The following MYEF2 variants were observed in gnomAD, a reference collection of about 807,000 sequenced individuals.
MYEF2 encodes the protein myelin expression factor 2, also known as myelin gene expression factor 2.
In MYEF2, 37 loss-of-function variants were observed where a neutral mutation model predicts 75.2. That is an observed-to-expected ratio of 0.49 (90% CI 0.38 to 0.65). The LOEUF (loss-of-function observed/expected upper bound fraction) is 0.65, where lower values mean the gene tolerates loss of function less well. Among genes scored for constraint, MYEF2 ranks in the 30% least tolerant of loss-of-function variants. MYEF2 has a pLI of 0.00. For synonymous variants in MYEF2, 195 were observed against 241.6 expected (o/e 0.81, Z 1.79); for missense variants, 634 against 771.4 (o/e 0.82, Z 2.11).
At chr15:48,161,035 C>G (rs1417897815) in intron 5 of MYEF2, among the ~76,000 whole-genome samples, 2 of 151,970 alleles carry the variant, frequency 1.3e-5, no homozygotes, top group Non-Finnish European at 2.9e-5. Flanking sequence ...ATTTCTTCAA[C>G]TAGTATAGTA....
At position 48,139,659 on chromosome 15, in the gene MYEF2, T is replaced by A. The variant is rs1469680065; in HGVS notation, c.*3249A>T. On this transcript the variant is annotated 3_prime_UTR_variant, in exon 17 of 17. Coordinates refer to ENST00000324324, the MANE Select transcript of MYEF2 (RefSeq NM_016132.5). The stretch of plus-strand genomic sequence containing the variant: ...CAATACAAACATATTATGAAATGAG[T>A]GAAAAGGGCATAATAATTTTATTCT... The A allele has an allele frequency of 3.3e-5, 5 of 152,592 alleles. No homozygotes were observed. Among genetic ancestry groups the A allele is most frequent in the Non-Finnish European group, 7.3e-5 (5 of 68,372 alleles). The allele number at this position is 152,592 out of a possible 1,614,324, so 9.5% of individuals were successfully genotyped here. A position where few individuals can be genotyped will look rare whatever the true frequency, so the allele number is the denominator to read the frequency against.
At chr15:48,167,260 G>C in intron 3 of MYEF2, 89 bp downstream of exon 3, 1 of 1,345,390 alleles carries the variant, frequency 7.4e-7, no homozygotes, top group Non-Finnish European at 1.1e-6. Flanking sequence ...TGAAACTTAA[G>C]TTTCCAAAAA....
At chr15:48,176,676 G>A (rs1216819764) in intron 1 of MYEF2, among the ~76,000 whole-genome samples, 1 of 152,178 alleles carries the variant, frequency 6.6e-6, no homozygotes, top group Non-Finnish European at 1.5e-5. Flanking sequence ...ATGTATACTC[G>A]TGTTTAGATA....
At chr15:48,150,703 T>C (rs1215283817) in intron 14 of MYEF2, among the ~76,000 whole-genome samples, 1 of 151,980 alleles carries the variant, frequency 6.6e-6, no homozygotes, top group African/African-American at 2.4e-5. Context: ...TATCTGCATT[T>C]ACCAAAAGAC....
intron 6 of MYEF2, among the ~76,000 whole-genome samples, chr15:48,159,181 C>T (rs1171983329): frequency 1.3e-5 from 2 of 151,982 alleles, no homozygotes; most frequent in Admixed American, 1.3e-4. Flanking sequence ...ACATTTGAAA[C>T]TTGCATATCT....
chr15:48,141,068 A>G lies in MYEF2; in HGVS notation c.*1840T>C. The G allele has an allele frequency of 6.9e-7, 1 of 1,446,996 alleles. No homozygotes were observed. Among genetic ancestry groups the G allele is most frequent in the East Asian group, 2.3e-5 (1 of 43,730 alleles). 89.6% of individuals were successfully genotyped at this position (1,446,996 alleles called of 1,614,324 possible). On this transcript the variant is annotated 3_prime_UTR_variant, in exon 17 of 17. Transcript: ENST00000324324. ...TCCAAAATAACTGCAAAGGATGGTT[A>G]GTGAATCTTTAAGATTTGTAACTTG... is the stretch of plus-strand genomic sequence containing the variant.
chr15:48,150,890 T>C (rs1407257524), intron 14 of MYEF2, among the ~76,000 whole-genome samples: 1 of 151,880 alleles, frequency 6.6e-6, no homozygotes, highest in Non-Finnish European at 1.5e-5. Context: ...TTTAGAAATA[T>C]CAAAAAAGTA....
At chr15:48,170,937 G>A (rs2040313846) in intron 1 of MYEF2, among the ~76,000 whole-genome samples, 1 of 152,142 alleles carries the variant, frequency 6.6e-6, no homozygotes, top group Non-Finnish European at 1.5e-5. Context: ...AGAGACATTT[G>A]GACCAAACTT....
intron 1 of MYEF2, among the ~76,000 whole-genome samples, chr15:48,172,699 C>A (rs1016005508): frequency 2.6e-5 from 4 of 151,750 alleles, no homozygotes; most frequent in Admixed American, 2.0e-4. Flanking sequence ...ATAACAGATA[C>A]CACAGAAATA....
intron 16 of MYEF2, among the ~76,000 whole-genome samples, chr15:48,144,258 A>G (rs547377470): frequency 2.6e-5 from 4 of 152,182 alleles, no homozygotes; most frequent in Non-Finnish European, 1.5e-5. Context: ...AAACTTTAAT[A>G]TCAATCCATA....
At chr15:48,172,149 C>T (rs370188758) in intron 1 of MYEF2, among the ~76,000 whole-genome samples, 1 of 152,230 alleles carries the variant, frequency 6.6e-6, no homozygotes. Context: ...TCTGTAATCC[C>T]GGCACTTTGG....
intron 2 of MYEF2, among the ~76,000 whole-genome samples, chr15:48,167,942 T>TAA: frequency 6.7e-6 from 1 of 149,356 alleles, no homozygotes; most frequent in South Asian, 2.1e-4. Flanking sequence ...CAATGCAATT[T>TAA]AAAAAAAAAA....
At chr15:48,176,549 A>C (rs1243096799) in intron 1 of MYEF2, among the ~76,000 whole-genome samples, 1 of 152,130 alleles carries the variant, frequency 6.6e-6, no homozygotes, top group Non-Finnish European at 1.5e-5. Context: ...GGAATAGAAA[A>C]TCTGATGGAG....
intron 1 of MYEF2, among the ~76,000 whole-genome samples, chr15:48,171,028 G>C (rs560993578): frequency 2.6e-5 from 4 of 152,172 alleles, no homozygotes; most frequent in South Asian, 2.1e-4. Context: ...CATGGCCTAG[G>C]GGGGAGTCTT....
Position 48,178,069 on chromosome 15 carries a change from G to C in MYEF2, c.161+8C>G. The C allele has an allele frequency of 6.3e-7, 1 of 1,595,914 alleles. No individual in the cohort carries two copies. The highest frequency in any genetic ancestry group is 8.5e-7 in the Non-Finnish European group (1 of 1,171,556). On this transcript the variant is annotated splice_region_variant and intron_variant, in intron 1 of 16. Transcript: ENST00000324324. ...CCTCGCCCCGGTTCCCGGAGGAAAA[G>C]ACAATACATTTTAACGCCATTGGAG... is the stretch of plus-strand genomic sequence containing the variant.
intron 7 of MYEF2, 142 bp from the exon 8 acceptor site, chr15:48,158,366 T>C (rs1567257199): frequency 1.4e-6 from 1 of 695,528 alleles, no homozygotes; most frequent in Non-Finnish European, 2.4e-6. Context: ...GCCACTTTCA[T>C]ATACTCAAAA....
intron 9 of MYEF2, 82 bp from the exon 10 acceptor site, chr15:48,153,975 T>C (rs1365058980): frequency 5.8e-6 from 6 of 1,034,294 alleles, no homozygotes; most frequent in Non-Finnish European, 5.7e-6. Context: ...AAAAGCTATA[T>C]ACCTGTAGTA....
chr15:48,177,906 G>T (rs984045889), intron 1 of MYEF2, among the ~76,000 whole-genome samples, 171 bp downstream of exon 1: 1 of 152,154 alleles, frequency 6.6e-6, no homozygotes, highest in African/African-American at 2.4e-5. Context: ...GGCGGGCGGG[G>T]AAGGGCCTGG....
chr15:48,165,929 T>G lies in MYEF2; in HGVS notation c.525+4A>C, dbSNP rs768690373. Reference sequence around the variant, plus strand: ...GTTTAAATTCTAAATATGAGAAATCTTACCTCTTTAATATTAAGGGGTCTT... The same window carrying G: ...GTTTAAATTCTAAATATGAGAAATCGTACCTCTTTAATATTAAGGGGTCTT... On this transcript the variant is annotated splice_donor_region_variant and intron_variant, in intron 5 of 16. Coordinates refer to ENST00000324324, the MANE Select transcript of MYEF2 (RefSeq NM_016132.5). The G allele has an allele frequency of 1.3e-6, 2 of 1,491,012 alleles. No homozygotes were observed. Among genetic ancestry groups the G allele is most frequent in the Non-Finnish European group, 1.8e-6 (2 of 1,094,036 alleles). The allele number at this position is 1,491,012 out of a possible 1,614,324, so 92.4% of individuals were successfully genotyped here. A position where few individuals can be genotyped will look rare whatever the true frequency, so the allele number is the denominator to read the frequency against.
Sources: allele counts gnomAD v4.1 joint callset (sites outside exome capture counted in the v4.1 genomes callset), GRCh38; gene constraint gnomAD v4.1.1; transcripts MANE v1.5; gene names NCBI Gene and HGNC (gene_info 2026-07-23, HGNC 2026-07-21).